Variants in SMIM3 observed in about 807,000 individuals in gnomAD.
SMIM3 encodes small integral membrane protein 3.
A neutral mutation model predicts 2.1 loss-of-function variants in SMIM3; 4 were observed. The ratio of observed to expected loss-of-function variants is 1.89; its 90% CI spans 0.93 to 4.31. The LOEUF is 4.31. Among genes scored for constraint, SMIM3 ranks in the 30% most tolerant of loss-of-function variants. SMIM3 has a pLI of 0.01. For synonymous variants in SMIM3, 29 were observed against 30.8 expected, an observed-to-expected ratio of 0.94 and a Z score of 0.19; for missense variants, 79 against 77.7, an observed-to-expected ratio of 1.02 and a Z score of -0.06.
chr5:150,787,758 T>A (rs1261310682), intron 1 of SMIM3, among the ~76,000 whole-genome samples: 1 of 152,250 alleles, frequency 6.6e-6, no homozygotes, highest in Admixed American at 6.5e-5. Flanking sequence ...TAAAACAATT[T>A]ATTTTTGTTT....
In SMIM3 at chr5:150,778,908, G is replaced by C. The variant is rs565249330; in HGVS notation, c.-76G>C. 1 of 510,596 alleles carries C rather than the reference G, an allele frequency of 2.0e-6. No individual in the cohort carries two copies. The highest frequency in any genetic ancestry group is 1.9e-5 in the African/African-American group (1 of 51,440). 31.6% of individuals were successfully genotyped at this position (510,596 alleles called of 1,614,324 possible). ...GCTGCCAGATCCCGTGCAGTCCTGG[G>C]GACCCTGAGAAGCACCGAGCCATCC... On this transcript the variant is annotated 5_prime_UTR_variant, in exon 1 of 2. Coordinates refer to ENST00000526627, the MANE Select transcript of SMIM3 (RefSeq NM_032947.5).
At chr5:150,784,484 C>T (rs1753270167) in intron 1 of SMIM3, among the ~76,000 whole-genome samples, 1 of 152,142 alleles carries the variant, frequency 6.6e-6, no homozygotes, top group Non-Finnish European at 1.5e-5. Flanking sequence ...TTGAAATCTC[C>T]CACTATAATT....
intron 1 of SMIM3, 94 bp downstream of exon 1, chr5:150,779,066 G>A: frequency 2.2e-6 from 1 of 452,828 alleles, no homozygotes; most frequent in South Asian, 1.6e-5. Context: ...CCTTTCCCCG[G>A]GCTCCCAACG....
At position 150,795,747 on chromosome 5, in the gene SMIM3, C is replaced by T. The variant is rs943681547; in HGVS notation, c.*124C>T. 1.9e-6 allele frequency: 2 copies of T among 1,078,488 alleles called. No individual in the cohort carries two copies. Among genetic ancestry groups the T allele is most frequent in the Non-Finnish European group, 2.6e-6 (2 of 763,054 alleles). The allele number at this position is 1,078,488 out of a possible 1,614,324, so 66.8% of individuals were successfully genotyped here. ...GACCTGAGTTCTGGTTTTGATTCTG[C>T]CACGAGCCAGCTGTGTGAATTTGGT... On this transcript the variant is annotated 3_prime_UTR_variant, in exon 2 of 2. Transcript: ENST00000526627.
chr5:150,790,972 A>T (rs1323745697), intron 1 of SMIM3, among the ~76,000 whole-genome samples: 1 of 152,178 alleles, frequency 6.6e-6, no homozygotes, highest in Non-Finnish European at 1.5e-5. Flanking sequence ...AACAAAAAAA[A>T]AGCCTCTTTG....
At chr5:150,781,737 C>T (rs557844482) in intron 1 of SMIM3, among the ~76,000 whole-genome samples, 28 of 151,870 alleles carry the variant, frequency 1.8e-4, no homozygotes, top group African/African-American at 6.6e-4. Context: ...GCACTACCAC[C>T]GCCCGGTGCT....
At chr5:150,783,914 CTTTTTTTTTTTTT>C (rs557905770) in intron 1 of SMIM3, among the ~76,000 whole-genome samples, 34 of 124,362 alleles carry the variant, frequency 2.7e-4, no homozygotes, top group Admixed American at 2.2e-3. Flanking sequence ...TTTGAACTCC[CTTTTTTTTTTTTT>C]TTTTTTTTTT....
intron 1 of SMIM3, among the ~76,000 whole-genome samples, chr5:150,794,943 G>A (rs1208131808): frequency 1.3e-5 from 2 of 152,152 alleles, no homozygotes; most frequent in African/African-American, 4.8e-5. Context: ...TCCCCAGAAA[G>A]GGGAGAATGG....
intron 1 of SMIM3, among the ~76,000 whole-genome samples, chr5:150,780,685 G>A (rs889773991): frequency 1.3e-5 from 2 of 152,130 alleles, no homozygotes; most frequent in African/African-American, 4.8e-5. Flanking sequence ...CAGACCAAGG[G>A]GATAAGGGCC....
intron 1 of SMIM3, among the ~76,000 whole-genome samples, chr5:150,780,742 C>T (rs773260792): frequency 4.6e-5 from 7 of 151,984 alleles, no homozygotes; most frequent in East Asian, 3.9e-4. Context: ...ATCCTTTAAA[C>T]GTTGTGCCTC....
chr5:150,790,826 A>G (rs1581622764), intron 1 of SMIM3, among the ~76,000 whole-genome samples: 2 of 152,150 alleles, frequency 1.3e-5, no homozygotes, highest in Non-Finnish European at 2.9e-5. Context: ...GTGTTCTTTT[A>G]TACTGTCTTA....
intron 1 of SMIM3, among the ~76,000 whole-genome samples, chr5:150,780,338 C>T (rs528416790): frequency 6.6e-5 from 10 of 152,192 alleles, no homozygotes; most frequent in South Asian, 2.1e-4. Flanking sequence ...TCTAGACACA[C>T]GCAAAGCAGC....
intron 1 of SMIM3, 35 bp from the exon 2 acceptor site, chr5:150,795,395 A>G: frequency 6.2e-7 from 1 of 1,606,182 alleles, no homozygotes; most frequent in African/African-American, 1.3e-5. Context: ...GGGAGAGAGT[A>G]CGCAACAGTG....
chr5:150,794,632 A>G (rs1753383550), intron 1 of SMIM3, among the ~76,000 whole-genome samples: 1 of 152,214 alleles, frequency 6.6e-6, no homozygotes. Flanking sequence ...ACGCAAAGGC[A>G]TAAGAATGAT....
At chr5:150,793,123 C>G (rs998713742) in intron 1 of SMIM3, among the ~76,000 whole-genome samples, 2 of 151,390 alleles carry the variant, frequency 1.3e-5, no homozygotes, top group African/African-American at 4.9e-5. Context: ...CTTTCAGCAG[C>G]GTTTTGTAGT....
In SMIM3 at chr5:150,781,528, A is replaced by G. The variant is rs556836752; in HGVS notation, c.-12+2556A>G. On this transcript the variant is annotated intron_variant, in intron 1 of 1. Coordinates refer to ENST00000526627, the MANE Select transcript of SMIM3 (RefSeq NM_032947.5). ...AGTTGTGTATAGATAGAGCTTCCTT[A>G]TTTTATTGATTTGCACTCTGATTGG... Among the ~76,000 whole-genome samples the G allele has an allele frequency of 3.3e-5, 5 of 152,286 alleles. No individual in the cohort carries two copies. The South Asian group carries it at 1.0e-3, about 32-fold the overall frequency.
intron 1 of SMIM3, among the ~76,000 whole-genome samples, chr5:150,793,968 C>G (rs909640925): frequency 2.0e-5 from 3 of 151,914 alleles, no homozygotes; most frequent in Admixed American, 2.0e-4. Context: ...TCAAACAAAT[C>G]AGTAAGAAAA....
intron 1 of SMIM3, among the ~76,000 whole-genome samples, chr5:150,779,244 GC>G (rs1251885814): frequency 6.6e-6 from 1 of 152,114 alleles, no homozygotes; most frequent in Non-Finnish European, 1.5e-5. Context: ...GCGAACCCCA[GC>G]CCCACTCGGA....
intron 1 of SMIM3, among the ~76,000 whole-genome samples, chr5:150,792,437 T>C (rs1753358355): frequency 6.6e-6 from 1 of 152,202 alleles, no homozygotes; most frequent in African/African-American, 2.4e-5. Flanking sequence ...TTTGACAACA[T>C]CTCTCAGACA....
Sources: gnomAD v4.1 joint callset for allele counts (sites outside exome capture counted in the v4.1 genomes callset) on GRCh38, gnomAD v4.1.1 for gene constraint, MANE v1.5 for transcripts, NCBI Gene and HGNC (gene_info 2026-07-23, HGNC 2026-07-21) for gene names.